The following ARPP21 variants were observed in gnomAD, a reference collection of about 807,000 sequenced individuals.
The protein encoded by ARPP21 is cAMP regulated phosphoprotein 21.
A neutral mutation model predicts 113.2 loss-of-function variants in ARPP21; 69 were observed. The observed-to-expected ratio is 0.61, with a 90% confidence interval of 0.50 to 0.74. The LOEUF is 0.74. ARPP21 is among the 30% of genes least tolerant of loss of function. ARPP21 has a pLI of 0.00. For synonymous variants in ARPP21, 368 were observed against 375.5 expected (o/e 0.98, Z 0.23); for missense variants, 1,070 against 1,037.4 (o/e 1.03, Z -0.43).
Position 35,690,072 on chromosome 3 carries a change from AT to A in ARPP21, c.486-5del. The stretch of plus-strand genomic sequence containing the variant: ...ATAAAACCTTTTAAATTTAACATTT[AT>A]TTTGCAGGGACAGGATGATACTTTT... On this transcript the variant is annotated splice_region_variant and splice_polypyrimidine_tract_variant and intron_variant, in intron 7 of 20. Transcript: ENST00000684406. The A allele has an allele frequency of 8.0e-7, 1 of 1,244,910 alleles. No homozygotes were observed. The highest frequency in any genetic ancestry group is 1.2e-6 in the Non-Finnish European group (1 of 845,332). The allele number at this position is 1,244,910 out of a possible 1,614,324, so 77.1% of individuals were successfully genotyped here. A position where few individuals can be genotyped will look rare whatever the true frequency, so the allele number is the denominator to read the frequency against.
chr3:35,764,692 G>T (rs1011933315), intron 19 of ARPP21, among the ~76,000 whole-genome samples: 1 of 152,128 alleles, frequency 6.6e-6, no homozygotes, highest in Non-Finnish European at 1.5e-5. Flanking sequence ...GAGCCAAAAG[G>T]CAAGCCTAGA....
intron 19 of ARPP21, among the ~76,000 whole-genome samples, chr3:35,771,866 G>C (rs1197368292): frequency 6.6e-6 from 1 of 152,002 alleles, no homozygotes; most frequent in Non-Finnish European, 1.5e-5. Flanking sequence ...ATTTTCAAAG[G>C]CCTTTGGACT....
intron 1 of ARPP21, among the ~76,000 whole-genome samples, chr3:35,674,785 G>T (rs1023730967): frequency 2.0e-5 from 3 of 151,870 alleles, no homozygotes; most frequent in Non-Finnish European, 4.4e-5. Flanking sequence ...AACCAAGAAA[G>T]AGACACACAT....
intron 1 of ARPP21, among the ~76,000 whole-genome samples, chr3:35,646,358 GC>G (rs1700219157): frequency 6.6e-6 from 1 of 152,040 alleles, no homozygotes; most frequent in South Asian, 2.1e-4. Context: ...TTAGTGTTTT[GC>G]TTGTTAATAT....
chr3:35,747,301 G>T (rs2150968631), intron 19 of ARPP21, among the ~76,000 whole-genome samples: 1 of 148,440 alleles, frequency 6.7e-6, no homozygotes, highest in Non-Finnish European at 1.5e-5. Flanking sequence ...GTGGCAGTGA[G>T]TCGAGATTGC....
intron 19 of ARPP21, among the ~76,000 whole-genome samples, chr3:35,788,485 T>C (rs762411755): frequency 1.3e-5 from 2 of 152,172 alleles, no homozygotes; most frequent in Non-Finnish European, 2.9e-5. Context: ...TGGGAGAGGC[T>C]GTGAGAATTG....
chr3:35,741,785 C>T (rs766823159), intron 18 of ARPP21, among the ~76,000 whole-genome samples: 1 of 152,132 alleles, frequency 6.6e-6, no homozygotes, highest in Non-Finnish European at 1.5e-5. Flanking sequence ...CCTTTCAAAC[C>T]TTTCATACTG....
chr3:35,781,549 ACTT>A (rs2096528179), intron 19 of ARPP21: 1 of 152,200 alleles, frequency 6.6e-6, no homozygotes, highest in Non-Finnish European at 1.5e-5. Context: ...AAGTCTGCAG[ACTT>A]CTTATTGTTG....
intron 11 of ARPP21, 54 bp downstream of exon 11, chr3:35,709,124 G>T: frequency 1.6e-6 from 2 of 1,229,604 alleles, no homozygotes; most frequent in South Asian, 1.3e-5. Context: ...CAGCAGTAAG[G>T]CTTCCTCATT....
intron 1 of ARPP21, among the ~76,000 whole-genome samples, chr3:35,656,349 T>C (rs1704899424): frequency 6.6e-6 from 1 of 152,056 alleles, no homozygotes; most frequent in African/African-American, 2.4e-5. Context: ...GTTAAAACTG[T>C]CAACACAAAA....
chr3:35,698,056 TCTGA>T (rs1426580006), intron 9 of ARPP21, among the ~76,000 whole-genome samples: 2 of 151,734 alleles, frequency 1.3e-5, no homozygotes, highest in Admixed American at 1.3e-4. Flanking sequence ...GTGAAAATCA[TCTGA>T]CTAGTTGCCA....
chr3:35,736,348 T>C (rs546744101), intron 15 of ARPP21, among the ~76,000 whole-genome samples: 8 of 152,262 alleles, frequency 5.3e-5, no homozygotes, highest in Admixed American at 5.2e-4. Context: ...TTTATTCCCA[T>C]AATTTTTCCA....
chr3:35,687,099 G>A (rs780040657), intron 5 of ARPP21, among the ~76,000 whole-genome samples: 22 of 150,958 alleles, frequency 1.5e-4, no homozygotes, highest in Middle Eastern at 3.2e-3. Flanking sequence ...AAAAGGCAAT[G>A]CTTATTGTAA....
chr3:35,771,796 A>G (rs1463141228), intron 19 of ARPP21, among the ~76,000 whole-genome samples: 1 of 152,222 alleles, frequency 6.6e-6, no homozygotes, highest in African/African-American at 2.4e-5. Context: ...TAAGGGAATT[A>G]TAGTCAAGAA....
chr3:35,729,629 A>G, intron 15 of ARPP21, 93 bp downstream of exon 15: 2 of 1,141,870 alleles, frequency 1.8e-6, no homozygotes, highest in Non-Finnish European at 1.3e-6. Flanking sequence ...TATTCTGAAA[A>G]TTCCTGAACA....
Position 35,683,011 on chromosome 3 carries a change from G to A in ARPP21, c.171+122G>A, listed in dbSNP as rs1000251594. 47 of 905,886 alleles carry A rather than the reference G, an allele frequency of 5.2e-5. No individual in the cohort carries two copies. In the East Asian group the frequency reaches 8.1e-4, roughly 16 times the overall value. 56.1% of individuals were successfully genotyped at this position (905,886 alleles called of 1,614,324 possible). On this transcript the variant is annotated intron_variant, in intron 4 of 20. Coordinates refer to ENST00000684406, the MANE Select transcript of ARPP21 (RefSeq NM_001385562.1). Reference sequence around the variant, plus strand: ...GTGTCCAGATATTGTGGGGCATCTCGGCTGTACTGGTGCTGGCTGTTTTTG... The same window carrying A: ...GTGTCCAGATATTGTGGGGCATCTCAGCTGTACTGGTGCTGGCTGTTTTTG...
At chr3:35,663,621 G>A (rs1188653898) in intron 1 of ARPP21, among the ~76,000 whole-genome samples, 5 of 152,120 alleles carry the variant, frequency 3.3e-5, no homozygotes, top group East Asian at 3.9e-4. Flanking sequence ...ATGTGTCCTC[G>A]GAGCGGGGTG....
At chr3:35,650,328 T>G (rs185559088) in intron 1 of ARPP21, 2 of 152,190 alleles carry the variant, frequency 1.3e-5, no homozygotes, top group Admixed American at 6.5e-5. Context: ...TTTATTGAAG[T>G]TTTCTATGTA....
At position 35,695,920 on chromosome 3, in the gene ARPP21, A is replaced by AAGTCAT. The variant is rs573000164; in HGVS notation, c.686+4917_686+4922dup. The stretch of plus-strand genomic sequence containing the variant: ...CAAAGGGAAATTAGTGAATTGTCTA[A>AAGTCAT]AGTCATACTGCTGCACAGTGGCAGC... On this transcript the variant is annotated intron_variant, in intron 9 of 20. Transcript: ENST00000684406. Among the ~76,000 whole-genome samples the AAGTCAT allele has an allele frequency of 1.4e-4, 22 of 151,738 alleles. No individual in the cohort carries two copies. The East Asian group carries it at 3.9e-3, about 27-fold the overall frequency.
Sources: allele counts gnomAD v4.1 joint callset (sites outside exome capture counted in the v4.1 genomes callset), GRCh38; gene constraint gnomAD v4.1.1; transcripts MANE v1.5; gene names NCBI Gene and HGNC (gene_info 2026-07-23, HGNC 2026-07-21).